Variants in PRKG1 observed in about 807,000 individuals in gnomAD.
PRKG1 encodes the protein protein kinase cGMP-dependent 1.
Under a neutral mutation model 88.1 loss-of-function variants are expected in PRKG1, and 35 were observed. The ratio of observed to expected loss-of-function variants is 0.40; its 90% CI spans 0.30 to 0.53. The LOEUF (loss-of-function observed/expected upper bound fraction) is 0.53, where lower values mean the gene tolerates loss of function less well. PRKG1 is among the 20% of genes least tolerant of loss of function. The pLI is 0.59. For synonymous variants in PRKG1, 303 were observed against 292.5 expected (o/e 1.04, Z -0.37); for missense variants, 540 against 839.8 (o/e 0.64, Z 4.41).
intron 3 of PRKG1, among the ~76,000 whole-genome samples, chr10:51,743,737 AAT>A (rs369411662): frequency 0.02 from 811 of 40,358 alleles, 17 homozygotes; most frequent in African/African-American, 0.044. Context: ...ATATAAACTA[AAT>A]ATATATATAT....
chr10:51,663,328 G>C (rs186608583), intron 3 of PRKG1, among the ~76,000 whole-genome samples: 1 of 152,014 alleles, frequency 6.6e-6, no homozygotes, highest in Non-Finnish European at 1.5e-5. Context: ...CCAGTTTCCT[G>C]TTCTATACAG....
intron 3 of PRKG1, among the ~76,000 whole-genome samples, chr10:51,716,698 G>GT (rs978084944): frequency 4.6e-5 from 7 of 152,042 alleles, no homozygotes; most frequent in African/African-American, 7.2e-5. Flanking sequence ...TAATATTGCT[G>GT]TTTTTTCTGA....
At chr10:51,228,511 A>G (rs1339879137) in intron 2 of PRKG1, among the ~76,000 whole-genome samples, 1 of 152,174 alleles carries the variant, frequency 6.6e-6, no homozygotes, top group Non-Finnish European at 1.5e-5. Context: ...CCAGATCATG[A>G]TGGTGATAAT....
chr10:52,260,684 A>G (rs1589741512), intron 10 of PRKG1, among the ~76,000 whole-genome samples: 1 of 151,180 alleles, frequency 6.6e-6, no homozygotes, highest in South Asian at 2.1e-4. Context: ...AAATTAAAGT[A>G]TTGGGTAGAG....
intron 3 of PRKG1, among the ~76,000 whole-genome samples, chr10:51,803,446 C>G (rs765775163): frequency 6.6e-6 from 1 of 152,046 alleles, no homozygotes; most frequent in South Asian, 2.1e-4. Context: ...ATATTCATTC[C>G]TCTTATCTTC....
chr10:51,490,084 A>G (rs1326255), intron 3 of PRKG1, among the ~76,000 whole-genome samples: 28,495 of 151,930 alleles, frequency 0.19, 4,052 homozygotes, highest in African/African-American at 0.39. Context: ...TTGTTTAGGT[A>G]TTTGTCTCTG....
intron 1 of PRKG1, among the ~76,000 whole-genome samples, chr10:51,137,738 G>A (rs551166646): frequency 6.9e-4 from 105 of 152,150 alleles, no homozygotes; most frequent in East Asian, 1.3e-3. Flanking sequence ...GTTGATTTAC[G>A]GTAGATTTAT....
At chr10:51,273,566 G>A (rs1039055970) in intron 2 of PRKG1, among the ~76,000 whole-genome samples, 2 of 152,096 alleles carry the variant, frequency 1.3e-5, no homozygotes, top group African/African-American at 4.8e-5. Context: ...CAGTAATCTG[G>A]CAGTTTTTAA....
At chr10:51,035,870 A>C (rs1356404131) in intron 1 of PRKG1, among the ~76,000 whole-genome samples, 1 of 152,106 alleles carries the variant, frequency 6.6e-6, no homozygotes, top group African/African-American at 2.4e-5. Flanking sequence ...CCATGAGTAC[A>C]TACCTTTATT....
intron 4 of PRKG1, among the ~76,000 whole-genome samples, chr10:51,862,157 G>A (rs2132837542): frequency 6.6e-6 from 1 of 152,224 alleles, no homozygotes; most frequent in African/African-American, 2.4e-5. Context: ...GGGGGAGAGG[G>A]GCATGTTATA....
intron 7 of PRKG1, among the ~76,000 whole-genome samples, chr10:52,080,673 C>G (rs1262316580): frequency 6.6e-6 from 1 of 151,994 alleles, no homozygotes; most frequent in African/African-American, 2.4e-5. Flanking sequence ...TCTTAAATTG[C>G]TATTTGGTAT....
At chr10:51,115,835 C>T (rs1178534782) in intron 1 of PRKG1, among the ~76,000 whole-genome samples, 1 of 45,630 alleles carries the variant, frequency 2.2e-5, no homozygotes, top group African/African-American at 5.8e-5. Context: ...GACTCCATCT[C>T]GAAAAAAAAA....
At chr10:51,380,865 A>G (rs1416412201) in intron 2 of PRKG1, among the ~76,000 whole-genome samples, 2 of 152,138 alleles carry the variant, frequency 1.3e-5, no homozygotes, top group Non-Finnish European at 2.9e-5. Context: ...TTGTAACCCC[A>G]TAGTACTCGA....
Position 52,150,876 on chromosome 10 carries a change from TAGTC to T in PRKG1, c.1002-11009_1002-11006del, listed in dbSNP as rs1388674709. Among the ~76,000 whole-genome samples the T allele has an allele frequency of 1.3e-4, 20 of 152,286 alleles. No homozygotes were observed. The East Asian group carries it at 3.7e-3, about 28-fold the overall frequency. ...GAGTTTCCCAGAAGCAGTTTTTAAA[TAGTC>T]AGTTACTAAAAAGTGGATTGTTGTA... is the stretch of plus-strand genomic sequence containing the variant. On this transcript the variant is annotated intron_variant, in intron 8 of 17. Transcript: ENST00000373980.
intron 2 of PRKG1, among the ~76,000 whole-genome samples, chr10:51,410,217 C>CAT (rs924885523): frequency 2.0e-5 from 3 of 146,676 alleles, no homozygotes; most frequent in Admixed American, 6.9e-5. Context: ...CTCCCCTTTA[C>CAT]ATATATATAT....
intron 7 of PRKG1, among the ~76,000 whole-genome samples, chr10:52,066,302 G>A (rs1846352771): frequency 6.6e-6 from 1 of 151,958 alleles, no homozygotes; most frequent in African/African-American, 2.4e-5. Flanking sequence ...CTAATATTAT[G>A]TCCTCAACTG....
chr10:52,106,746 A>ATAATAG (rs1322723115), intron 7 of PRKG1, among the ~76,000 whole-genome samples: 3 of 144,990 alleles, frequency 2.1e-5, no homozygotes, highest in African/African-American at 7.5e-5. Context: ...AATAATAATA[A>ATAATAG]TAAAGTAAAT....
intron 2 of PRKG1, among the ~76,000 whole-genome samples, chr10:51,157,054 T>A (rs1846232146): frequency 6.6e-6 from 1 of 151,534 alleles, no homozygotes; most frequent in Non-Finnish European, 1.5e-5. Context: ...CCTTACATAT[T>A]TTTTTTTGTT....
At chr10:52,104,045 CAT>C (rs1185605147) in intron 7 of PRKG1, among the ~76,000 whole-genome samples, 1 of 146,948 alleles carries the variant, frequency 6.8e-6, no homozygotes, top group Admixed American at 6.8e-5. Flanking sequence ...ATATATATCT[CAT>C]AGTTTATTTT....
Sources: gnomAD v4.1 joint callset for allele counts (sites outside exome capture counted in the v4.1 genomes callset) on GRCh38, gnomAD v4.1.1 for gene constraint, MANE v1.5 for transcripts, NCBI Gene and HGNC (gene_info 2026-07-23, HGNC 2026-07-21) for gene names.